Variants in MAP3K4 observed in about 807,000 individuals in gnomAD.
The protein encoded by MAP3K4 is MAP three kinase 1.
MAP3K4 carries 67 observed loss-of-function variants against 185.6 expected under a neutral mutation model. The ratio of observed to expected loss-of-function variants is 0.36; its 90% CI spans 0.30 to 0.44. The LOEUF is 0.44. Ranked by LOEUF, MAP3K4 falls within the 20% of genes least tolerant of loss-of-function variation. The probability of loss-of-function intolerance (pLI) is 1.00; values close to 1 mark genes in which losing one functional copy is unlikely to be tolerated. For synonymous variants in MAP3K4, 702 were observed against 710.4 expected (o/e 0.99, Z 0.19); for missense variants, 1,551 against 1,995.1 (o/e 0.78, Z 4.24).
In MAP3K4 at chr6:161,080,098, G is replaced by T. The variant is rs1785377349; in HGVS notation, c.2098-783G>T. 6.6e-6 allele frequency among the ~76,000 whole-genome samples: 1 copy of T among 152,172 alleles called. No homozygotes were observed. Among genetic ancestry groups the T allele is most frequent in the East Asian group, 1.9e-4 (1 of 5,182 alleles). On this transcript the variant is annotated intron_variant, in intron 5 of 26. Coordinates refer to ENST00000392142, the MANE Select transcript of MAP3K4 (RefSeq NM_005922.4). The surrounding 1 kb of genome is among the most constrained non-coding windows in gnomAD (Gnocchi z 4.8). ...TGCTTCACGCTGAGTCACACTCGGG[G>T]TTGGAAGGGAGTGGAGTGATGTCTG...
Position 161,107,125 on chromosome 6 carries a change from C to G in MAP3K4, c.4048+420C>G, listed in dbSNP as rs1239652278. On this transcript the variant is annotated intron_variant, in intron 20 of 26. Coordinates refer to ENST00000392142, the MANE Select transcript of MAP3K4 (RefSeq NM_005922.4). The surrounding 1 kb of genome is among the most constrained non-coding windows in gnomAD (Gnocchi z 6.2). The stretch of plus-strand genomic sequence containing the variant: ...AGACTGGATACAAATGAGGGCAAGA[C>G]AGTCTTCTTTTCTAAAACATTGCCT... 6.6e-6 allele frequency among the ~76,000 whole-genome samples: 1 copy of G among 151,954 alleles called. No individual in the cohort carries two copies.
In MAP3K4 at chr6:161,008,458, G is replaced by A. The variant is rs1055476858; in HGVS notation, c.152+16375G>A. On this transcript the variant is annotated intron_variant, in intron 1 of 26. Transcript: ENST00000392142. This position sits in a 1 kb window ranked among gnomAD's most constrained non-coding sequence, Gnocchi z 4.1. Reference sequence around the variant, plus strand: ...TATTCTTTACAGAATTTTACATACCGAGTTTTACGTATAATGGGAGCTGTA... The same window carrying A: ...TATTCTTTACAGAATTTTACATACCAAGTTTTACGTATAATGGGAGCTGTA... 2.6e-5 allele frequency among the ~76,000 whole-genome samples: 4 copies of A among 152,088 alleles called. No homozygotes were observed. The highest frequency in any genetic ancestry group is 4.1e-4 in the South Asian group (2 of 4,826).
At chr6:161,092,185 C>T (rs1461105752) in intron 13 of MAP3K4, 42 bp downstream of exon 13, 2 of 1,609,218 alleles carry the variant, frequency 1.2e-6, no homozygotes, top group Non-Finnish European at 1.7e-6. Flanking sequence ...GTCATGTGGG[C>T]TTGGTGGTAT....
intron 3 of MAP3K4, among the ~76,000 whole-genome samples, chr6:161,060,857 T>A (rs1178773503): frequency 6.6e-6 from 1 of 152,144 alleles, no homozygotes; most frequent in Non-Finnish European, 1.5e-5. Context: ...TGACCTCAAG[T>A]GATCTGCCGG....
In MAP3K4 at chr6:161,106,786, T is replaced by A; in HGVS notation, c.4048+81T>A. On this transcript the variant is annotated intron_variant, in intron 20 of 26. Coordinates refer to ENST00000392142, the MANE Select transcript of MAP3K4 (RefSeq NM_005922.4). This position sits in a 1 kb window ranked among gnomAD's most constrained non-coding sequence, Gnocchi z 4.9. ...TTATACTTCTTTAGGTTGAATCCTA[T>A]AGAGTTGGCCCTTTTTTCTTGTAGA... is the stretch of plus-strand genomic sequence containing the variant. 3.4e-6 allele frequency: 4 copies of A among 1,161,544 alleles called. No individual in the cohort carries two copies. Among genetic ancestry groups the A allele is most frequent in the South Asian group, 2.0e-5 (1 of 50,356 alleles). The allele number at this position is 1,161,544 out of a possible 1,614,324, so 72.0% of individuals were successfully genotyped here. A position where few individuals can be genotyped will look rare whatever the true frequency, so the allele number is the denominator to read the frequency against.
intron 1 of MAP3K4, among the ~76,000 whole-genome samples, chr6:161,026,368 C>T (rs568437322): frequency 1.2e-4 from 18 of 152,210 alleles, no homozygotes; most frequent in African/African-American, 4.3e-4. Flanking sequence ...ATCTTCTGAC[C>T]TCGTGATCTG....
At chr6:161,089,237 G>A in intron 10 of MAP3K4, 85 bp from the exon 11 acceptor site, 4 of 1,420,362 alleles carry the variant, frequency 2.8e-6, no homozygotes, top group Non-Finnish European at 3.8e-6. Context: ...CCTGAGATTG[G>A]CATTGTTTTT....
Position 160,991,941 on chromosome 6 carries a change from G to A in MAP3K4, c.10G>A (p.Ala4Thr), listed in dbSNP as rs566178445. The A allele has an allele frequency of 2.9e-5, 44 of 1,540,404 alleles. No homozygotes were observed. In the African/African-American group the frequency reaches 5.3e-4, roughly 19 times the overall value. Reference sequence around the variant, plus strand: ...GGGGCTCCGTGCACGGATGAGAGAAGCCGCTGCCGCGCTGGTCCCTCCTCC... The same window carrying A: ...GGGGCTCCGTGCACGGATGAGAGAAACCGCTGCCGCGCTGGTCCCTCCTCC... MRE[A>T]AAALVPPPAF... The change falls in exon 1 of 27, where the codon GCC becomes ACC. Residue 4 changes from alanine to threonine, a missense_variant. Ala to Thr is a moderately conservative substitution (Grantham distance 58, BLOSUM62 0). Coordinates refer to ENST00000392142, the MANE Select transcript of MAP3K4 (RefSeq NM_005922.4). The surrounding 1 kb of genome is among the most constrained non-coding windows in gnomAD (Gnocchi z 5.7).
chr6:161,000,622 C>T (rs1781221281), intron 1 of MAP3K4, among the ~76,000 whole-genome samples: 1 of 151,974 alleles, frequency 6.6e-6, no homozygotes, highest in Non-Finnish European at 1.5e-5. Flanking sequence ...GAAACAGTAA[C>T]CTGTGTTTAA....
intron 1 of MAP3K4, among the ~76,000 whole-genome samples, chr6:161,009,370 A>G (rs1486427969): frequency 6.6e-6 from 1 of 152,064 alleles, no homozygotes. Context: ...AGCTCTTTTT[A>G]TCTTGCAAAA....
intron 1 of MAP3K4, among the ~76,000 whole-genome samples, chr6:161,002,059 T>TG (rs1339376902): frequency 2.7e-4 from 41 of 151,312 alleles, no homozygotes; most frequent in African/African-American, 9.7e-4. Context: ...GGTTTTTTTT[T>TG]TTTTTTTTTT....
rs923501801 is a variant in MAP3K4, at chr6:161,017,629, G to A, written c.153-16630G>A. On this transcript the variant is annotated intron_variant, in intron 1 of 26. Transcript: ENST00000392142. The surrounding 1 kb of genome is among the most constrained non-coding windows in gnomAD (Gnocchi z 5.1). ...TAAATTTTCACAAAATAAATGGGTT[G>A]AATTTGACTATCTGTAAGTGTTTTA... Among the ~76,000 whole-genome samples, 1 of 152,152 alleles carries A rather than the reference G, an allele frequency of 6.6e-6. No homozygotes were observed. The highest frequency in any genetic ancestry group is 2.4e-5 in the African/African-American group (1 of 41,446).
chr6:161,106,794 G>T lies in MAP3K4; in HGVS notation c.4048+89G>T. 9.1e-7 allele frequency: 1 copy of T among 1,098,580 alleles called. No homozygotes were observed. Among genetic ancestry groups the T allele is most frequent in the Non-Finnish European group, 1.3e-6 (1 of 797,358 alleles). 68.1% of individuals were successfully genotyped at this position (1,098,580 alleles called of 1,614,324 possible). On this transcript the variant is annotated intron_variant, in intron 20 of 26. Transcript: ENST00000392142. The surrounding 1 kb of genome is among the most constrained non-coding windows in gnomAD (Gnocchi z 4.9). ...CTTTAGGTTGAATCCTATAGAGTTG[G>T]CCCTTTTTTCTTGTAGACATAGCAA...
Position 161,086,618 on chromosome 6 carries a change from C to G in MAP3K4, c.2507C>G (p.Ala836Gly). The stretch of plus-strand genomic sequence containing the variant: ...ATAGCAGCAGAATTCAGGCTTTCAG[C>G]CCCAGTTAGAGACCTCCTGGATGTT... Reference protein sequence around the residue: ...LEIAAEFRLSAPVRDLLDVLK... With the variant: ...LEIAAEFRLSGPVRDLLDVLK... Residue 836 changes from alanine to glycine, a missense_variant, in exon 9 of 27, where the codon GCC becomes GGC. Physicochemically the swap from Ala to Gly is moderately conservative, Grantham distance 60. Transcript: ENST00000392142. The surrounding 1 kb of genome is among the most constrained non-coding windows in gnomAD (Gnocchi z 4.8). 6.2e-7 allele frequency: 1 copy of G among 1,614,086 alleles called. No individual in the cohort carries two copies. The highest frequency in any genetic ancestry group is 1.1e-5 in the South Asian group (1 of 91,056).
chr6:161,066,576 ATTT>A (rs1162246505), intron 3 of MAP3K4, among the ~76,000 whole-genome samples: 14 of 152,008 alleles, frequency 9.2e-5, no homozygotes, highest in Non-Finnish European at 1.9e-4. Flanking sequence ...GTATTAGAGT[ATTT>A]TTATTGTTCT....
At chr6:161,044,142 T>C (rs1351767969) in intron 2 of MAP3K4, among the ~76,000 whole-genome samples, 1 of 152,218 alleles carries the variant, frequency 6.6e-6, no homozygotes, top group Non-Finnish European at 1.5e-5. Flanking sequence ...AAGGAAAAAG[T>C]GTTCCAGAGG....
intron 1 of MAP3K4, among the ~76,000 whole-genome samples, chr6:161,000,682 CCT>C (rs1781223924): frequency 6.6e-6 from 1 of 151,790 alleles, no homozygotes; most frequent in South Asian, 2.1e-4. Flanking sequence ...CTCATTTTCC[CCT>C]GATATATATA....
Position 161,070,337 on chromosome 6 carries a change from G to T in MAP3K4, c.1708-271G>T, listed in dbSNP as rs1468152352. Among the ~76,000 whole-genome samples, 1 of 152,142 alleles carries T rather than the reference G, an allele frequency of 6.6e-6. No individual in the cohort carries two copies. Among genetic ancestry groups the T allele is most frequent in the African/African-American group, 2.4e-5 (1 of 41,438 alleles). ...AGGCAAAAATGTTAAAGATGAACCTGATTCTTTTTCTAATATACTTCTTTG... is the reference window on the plus strand; with the variant it reads ...AGGCAAAAATGTTAAAGATGAACCTTATTCTTTTTCTAATATACTTCTTTG... On this transcript the variant is annotated intron_variant, in intron 3 of 26. Coordinates refer to ENST00000392142, the MANE Select transcript of MAP3K4 (RefSeq NM_005922.4). This position sits in a 1 kb window ranked among gnomAD's most constrained non-coding sequence, Gnocchi z 4.5.
Position 161,080,911 on chromosome 6 carries a change from C to A in MAP3K4, c.2128C>A (p.Gln710Lys). The A allele has an allele frequency of 6.2e-7, 1 of 1,613,908 alleles. No individual in the cohort carries two copies. Among genetic ancestry groups the A allele is most frequent in the South Asian group, 1.1e-5 (1 of 91,048 alleles). Reference protein sequence around the residue: ...VYFDYMRSWIQMLQQLPQASH... With the variant: ...VYFDYMRSWIKMLQQLPQASH... ...TTTTGATTACATGAGAAGCTGGATC[C>A]AAATGCTACAGCAATTACCTCAAGC... Residue 710 changes from glutamine to lysine, a missense_variant, in exon 6 of 27, where the codon CAA becomes AAA. Gln to Lys is a moderately conservative substitution (Grantham distance 53). This residue lies in a region of MAP3K4 where 130 missense variants were observed against 171.3 expected (regional missense o/e 0.76). Coordinates refer to ENST00000392142, the MANE Select transcript of MAP3K4 (RefSeq NM_005922.4). The surrounding 1 kb of genome is among the most constrained non-coding windows in gnomAD (Gnocchi z 4.8).
Sources: gnomAD v4.1 joint callset for allele counts (sites outside exome capture counted in the v4.1 genomes callset) on GRCh38, gnomAD v4.1.1 for gene constraint, gnomAD v4.1.1 regional missense constraint, Gnocchi (gnomAD v3.1) non-coding constraint, MANE v1.5 for transcripts, NCBI Gene and HGNC (gene_info 2026-07-23, HGNC 2026-07-21) for gene names.